The following MEIOC variants were observed in gnomAD, a reference collection of about 807,000 sequenced individuals.
MEIOC encodes meiosis-specific coiled-coil domain-containing protein MEIOC.
Under a neutral mutation model 85.3 loss-of-function variants are expected in MEIOC, and 9 were observed. The ratio of observed to expected loss-of-function variants is 0.11; its 90% CI spans 0.06 to 0.18. The LOEUF (loss-of-function observed/expected upper bound fraction) is 0.18, where lower values mean the gene tolerates loss of function less well. MEIOC is among the 10% of genes least tolerant of loss of function. The pLI, the probability that MEIOC is intolerant of heterozygous loss-of-function variation, is 1.00. For missense variants in MEIOC, 898 were observed against 1,129.4 expected (o/e 0.80, Z 2.94); for synonymous variants, 365 against 393.7 (o/e 0.93, Z 0.86).
intron 3 of MEIOC, among the ~76,000 whole-genome samples, chr17:44,664,869 T>C (rs923835404): frequency 7.9e-5 from 12 of 152,320 alleles, no homozygotes; most frequent in Middle Eastern, 3.4e-3. Context: ...AACTGCAAAA[T>C]TGCTGTGGTG....
Position 44,668,076 on chromosome 17 carries a change from T to C in MEIOC, c.2165T>C (p.Phe722Ser). The C allele has an allele frequency of 1.2e-6, 2 of 1,613,470 alleles. No individual in the cohort carries two copies. The highest frequency in any genetic ancestry group is 1.7e-6 in the Non-Finnish European group (2 of 1,179,542). ...GACTTAAGCCATTTGTACCCTTATT[T>C]TAATATGATGTATGGTGATAATTCT... ...YDDLSHLYPY[F>S]NMMYGDNSFS... Residue 722 changes from phenylalanine to serine, a missense_variant, in exon 5 of 8, where the codon TTT becomes TCT. Physicochemically the swap from Phe to Ser is radical, Grantham distance 155. This residue lies in a region of MEIOC where 734 missense variants were observed against 860.1 expected (regional missense o/e 0.85). Transcript: ENST00000409122.
At chr17:44,676,972 AC>A, downstream of MEIOC, 2 of 982,574 alleles carry the variant, frequency 2.0e-6, no homozygotes, top group Non-Finnish European at 2.4e-6. Context: ...AGTATACTTA[AC>A]TGTGACATAC....
In MEIOC at chr17:44,663,447, A is replaced by G. The variant is rs538069450; in HGVS notation, c.359+976A>G. ...CAGGAAATAGTTATTTGTATTTATT[A>G]GAAAAGTGTTAAAAAATTAAAATTC... On this transcript the variant is annotated intron_variant, in intron 3 of 7. Coordinates refer to ENST00000409122, the MANE Select transcript of MEIOC (RefSeq NM_001145080.3). 2.9e-4 allele frequency among the ~76,000 whole-genome samples: 44 copies of G among 152,324 alleles called. No homozygotes were observed. The South Asian group carries it at 9.1e-3, about 32-fold the overall frequency.
chr17:44,673,485 T>C lies in MEIOC; in HGVS notation c.2577T>C (p.Asp859=), dbSNP rs1443762628. The C allele has an allele frequency of 2.6e-6, 4 of 1,551,384 alleles. No homozygotes were observed. The highest frequency in any genetic ancestry group is 3.5e-6 in the Non-Finnish European group (4 of 1,146,936). The part of the protein sequence containing the change: ...SIHIVQSRRK[D]EIVNASNRQR... ...ACATTGTACAGTCACGTAGAAAGGA[T>C]GAAATTGTTAATGCTTCCAATCGGC... Residue 859 remains aspartate (D), a synonymous_variant, in exon 7 of 8, where the codon GAT becomes GAC. Coordinates refer to ENST00000409122, the MANE Select transcript of MEIOC (RefSeq NM_001145080.3).
Position 44,665,485 on chromosome 17 carries a change from A to G in MEIOC, c.461A>G (p.Glu154Gly). 1 of 1,528,006 alleles carries G rather than the reference A, an allele frequency of 6.5e-7. No homozygotes were observed. The highest frequency in any genetic ancestry group is 1.7e-4 in the Middle Eastern group (1 of 5,912). The allele number at this position is 1,528,006 out of a possible 1,614,324, so 94.7% of individuals were successfully genotyped here. ...EQDKSQPYFA[E>G]GTCSSNLKSV... is the part of the protein sequence containing the mutation. Reference sequence around the variant, plus strand: ...GATAAGTCACAGCCATATTTTGCTGAAGGGTTAGTATATAATCTATATAGT... The same window carrying G: ...GATAAGTCACAGCCATATTTTGCTGGAGGGTTAGTATATAATCTATATAGT... Residue 154 changes from glutamate (E) to glycine (G), a missense_variant, in exon 4 of 8, where the codon GAA (glutamate) becomes GGA (glycine). Physicochemically the swap from Glu to Gly is moderately conservative, Grantham distance 98 (BLOSUM62 -2). Coordinates refer to ENST00000409122, the MANE Select transcript of MEIOC (RefSeq NM_001145080.3).
In MEIOC at chr17:44,657,209, G is replaced by C. The variant is rs1427110013; in HGVS notation, c.152G>C (p.Gly51Ala). ...GGCAGCAGGTTAACCGACGTCTTCG[G>C]CAGCGTGATGTTGACTGGCTCCGCT... ...DAGSRLTDVF[G>A]SVMLTGSASF... The change falls in exon 2 of 8, where the codon GGC (glycine) becomes GCC (alanine). Residue 51 changes from glycine to alanine, a missense_variant. Gly to Ala is a moderately conservative substitution (Grantham distance 60). Transcript: ENST00000409122. 6.4e-7 allele frequency: 1 copy of C among 1,551,886 alleles called. No homozygotes were observed. Among genetic ancestry groups the C allele is most frequent in the Non-Finnish European group, 8.7e-7 (1 of 1,147,026 alleles).
intron 3 of MEIOC, among the ~76,000 whole-genome samples, chr17:44,663,695 C>T (rs1254783021): frequency 6.6e-6 from 1 of 152,020 alleles, no homozygotes; most frequent in East Asian, 1.9e-4. Context: ...ATAACAGCTG[C>T]TAGCAGTTTG....
rs748644023 is a variant in MEIOC at position 44,667,030 on chromosome 17, G to T, written c.1119G>T (p.Gln373His). ...VEADTYTKLFQVKPANQKKME... is the reference protein window; with the variant it reads ...VEADTYTKLFHVKPANQKKME... ...CAGACACCTACACAAAGTTATTTCA[G>T]GTTAAGCCAGCGAATCAGAAAAAAA... The change falls in exon 5 of 8, where the codon CAG becomes CAT. Residue 373 changes from glutamine (Q) to histidine (H), a missense_variant. Gln to His is a conservative substitution (Grantham distance 24, BLOSUM62 0). Coordinates refer to ENST00000409122, the MANE Select transcript of MEIOC (RefSeq NM_001145080.3). 6.2e-7 allele frequency: 1 copy of T among 1,613,752 alleles called. No individual in the cohort carries two copies. The highest frequency in any genetic ancestry group is 1.3e-5 in the African/African-American group (1 of 75,016).
intron 2 of MEIOC, among the ~76,000 whole-genome samples, chr17:44,657,969 A>T (rs1206986620): frequency 6.6e-6 from 1 of 151,676 alleles, no homozygotes; most frequent in Non-Finnish European, 1.5e-5. Flanking sequence ...CTTCCGTCTC[A>T]GCCTCCCCAG....
rs571600839 is a variant in MEIOC, at chr17:44,657,795, C to T, written c.204+534C>T. On this transcript the variant is annotated intron_variant, in intron 2 of 7. Transcript: ENST00000409122. ...CTCGAACTCCCAACCTCGGGTGATCCGCGCACCTCGGCCTCCCAAAGTGCT... is the reference window on the plus strand; with the variant it reads ...CTCGAACTCCCAACCTCGGGTGATCTGCGCACCTCGGCCTCCCAAAGTGCT... Among the ~76,000 whole-genome samples, 7 of 152,090 alleles carry T rather than the reference C, an allele frequency of 4.6e-5. No homozygotes were observed. In the South Asian group the frequency reaches 6.2e-4, roughly 14 times the overall value.
At chr17:44,657,740 A>T (rs1971784918) in intron 2 of MEIOC, among the ~76,000 whole-genome samples, 1 of 151,514 alleles carries the variant, frequency 6.6e-6, no homozygotes, top group African/African-American at 2.4e-5. Flanking sequence ...TTTAGTAGAG[A>T]CAGGGTTTCT....
downstream of MEIOC, among the ~76,000 whole-genome samples, chr17:44,676,594 G>A (rs543332553): frequency 1.3e-5 from 2 of 152,148 alleles, no homozygotes; most frequent in Admixed American, 1.3e-4. Flanking sequence ...AGGCTGAGGC[G>A]GGTGGATCAC....
chr17:44,666,884 T>G lies in MEIOC; in HGVS notation c.973T>G (p.Tyr325Asp). Residue 325 changes from tyrosine to aspartate, a missense_variant, in exon 5 of 8, where the codon TAT becomes GAT. Physicochemically the swap from Tyr to Asp is radical, Grantham distance 160. Transcript: ENST00000409122. ...TAATAGATACAATGAAAATGTAGAT[T>G]ATTGTAGATACCCAGAGTATGTTCA... ...QFNRYNENVD[Y>D]CRYPEYVHPN... The G allele has an allele frequency of 6.2e-7, 1 of 1,609,538 alleles. No individual in the cohort carries two copies. The highest frequency in any genetic ancestry group is 1.1e-5 in the South Asian group (1 of 90,500).
chr17:44,673,742 G>T, intron 7 of MEIOC, 196 bp downstream of exon 7: 1 of 713,426 alleles, frequency 1.4e-6, no homozygotes, highest in South Asian at 2.0e-5. Flanking sequence ...ACTGTTTCAA[G>T]ACAGTCTGTG....
At chr17:44,658,672 G>A (rs940580896) in intron 2 of MEIOC, among the ~76,000 whole-genome samples, 5 of 151,270 alleles carry the variant, frequency 3.3e-5, no homozygotes, top group African/African-American at 7.3e-5. Flanking sequence ...GCAGGCACCT[G>A]TAATCCCAGC....
chr17:44,661,000 G>A (rs188621308), intron 2 of MEIOC, among the ~76,000 whole-genome samples: 106 of 151,772 alleles, frequency 7.0e-4, no homozygotes, highest in Admixed American at 3.3e-3. Context: ...AGCATTCACC[G>A]AGGCTGGGTG....
chr17:44,675,112 G>A lies in MEIOC; in HGVS notation c.*916G>A, dbSNP rs1972058267. 3.0e-6 allele frequency: 3 copies of A among 984,680 alleles called. No homozygotes were observed. Among genetic ancestry groups the A allele is most frequent in the Non-Finnish European group, 3.6e-6 (3 of 829,470 alleles). 61.0% of individuals were successfully genotyped at this position (984,680 alleles called of 1,614,324 possible). The stretch of plus-strand genomic sequence containing the variant: ...GGTTAATCTCTAACTAGTTTAGCTT[G>A]CAATTGGTTAGTGTATATTTTGTGT... On this transcript the variant is annotated 3_prime_UTR_variant, in exon 8 of 8. Transcript: ENST00000409122.
intron 2 of MEIOC, among the ~76,000 whole-genome samples, chr17:44,661,058 G>A (rs886753318): frequency 5.9e-5 from 9 of 152,076 alleles, no homozygotes; most frequent in Non-Finnish European, 1.0e-4. Flanking sequence ...CCCAAGGCGG[G>A]CAGATCACTT....
At position 44,673,842 on chromosome 17, in the gene MEIOC, TTCAA is replaced by T. The variant is rs1362564015; in HGVS notation, c.2639-128_2639-125del. Reference sequence around the variant, plus strand: ...TTAATGATAAAGGACAGGACTTTGGTTCAATCAATAACTATCCTTTTTTTACAAA... The same window carrying T: ...TTAATGATAAAGGACAGGACTTTGGTTCAATAACTATCCTTTTTTTACAAA... On this transcript the variant is annotated intron_variant, in intron 7 of 7. Transcript: ENST00000409122. 9 of 1,086,748 alleles carry T rather than the reference TTCAA, an allele frequency of 8.3e-6. No individual in the cohort carries two copies. In the East Asian group the frequency reaches 2.3e-4, roughly 28 times the overall value. The allele number at this position is 1,086,748 out of a possible 1,614,324, so 67.3% of individuals were successfully genotyped here.
Sources: allele counts gnomAD v4.1 joint callset (sites outside exome capture counted in the v4.1 genomes callset), GRCh38; gene constraint gnomAD v4.1.1; regional missense constraint gnomAD v4.1.1; transcripts MANE v1.5; gene names NCBI Gene and HGNC (gene_info 2026-07-23, HGNC 2026-07-21).